The following RASGRP2 variants were observed in gnomAD, a reference collection of about 807,000 sequenced individuals.
RASGRP2 encodes the protein RAS guanyl-releasing protein 2.
RASGRP2 carries 44 observed loss-of-function variants against 71.0 expected under a neutral mutation model. That is an observed-to-expected ratio of 0.62 (90% CI 0.49 to 0.80). The LOEUF is 0.80. RASGRP2 is among the 30% of genes least tolerant of loss of function. The pLI, the probability that RASGRP2 is intolerant of heterozygous loss-of-function variation, is 0.00. For missense variants in RASGRP2, 663 were observed against 813.4 expected (o/e 0.82, Z 2.25); for synonymous variants, 350 against 330.7 (o/e 1.06, Z -0.63).
chr11:64,742,694 C>G lies in RASGRP2; in HGVS notation c.73+100G>C. 6.7e-7 allele frequency: 1 copy of G among 1,494,596 alleles called. No individual in the cohort carries two copies. Among genetic ancestry groups the G allele is most frequent in the Non-Finnish European group, 9.1e-7 (1 of 1,100,290 alleles). 92.6% of individuals were successfully genotyped at this position (1,494,596 alleles called of 1,614,324 possible). ...CTGCACGCTGCGGAGCAGGGTGGGT[C>G]CGGGTCAGGGCTGTGCCCTGGACTG... On this transcript the variant is annotated intron_variant, in intron 2 of 16. Coordinates refer to ENST00000394432, the MANE Select transcript of RASGRP2 (RefSeq NM_001098671.2). The surrounding 1 kb of genome is among the most constrained non-coding windows in gnomAD (Gnocchi z 4.7).
At chr11:64,744,326 TACTC>T (rs982232694), upstream of RASGRP2, 10 of 985,234 alleles carry the variant, frequency 1.0e-5, no homozygotes, top group African/African-American at 1.0e-4. Context: ...GCCCTACACA[TACTC>T]ACTCCCCCAG....
chr11:64,735,070 T>G lies in RASGRP2; in HGVS notation c.1412+42A>C, dbSNP rs757244185. ...AACTGAAGCCCAGGCAGAAGTGGGCTGAGTTGCCTTCCCTCTCCCCCAGGT... is the reference window on the plus strand; with the variant it reads ...AACTGAAGCCCAGGCAGAAGTGGGCGGAGTTGCCTTCCCTCTCCCCCAGGT... On this transcript the variant is annotated intron_variant, in intron 12 of 16. Coordinates refer to ENST00000394432, the MANE Select transcript of RASGRP2 (RefSeq NM_001098671.2). The surrounding 1 kb of genome is among the most constrained non-coding windows in gnomAD (Gnocchi z 4.2). 25 of 1,449,002 alleles carry G rather than the reference T, an allele frequency of 1.7e-5. No individual in the cohort carries two copies. The highest frequency in any genetic ancestry group is 1.7e-4 in the Middle Eastern group (1 of 5,742). The allele number at this position is 1,449,002 out of a possible 1,614,324, so 89.8% of individuals were successfully genotyped here.
At position 64,742,832 on chromosome 11, in the gene RASGRP2, G is replaced by A. The variant is rs1345997961; in HGVS notation, c.35C>T (p.Thr12Met). Residue 12 changes from threonine (T) to methionine (M), a missense_variant, in exon 2 of 17, where the codon ACG (threonine) becomes ATG (methionine). By Grantham distance (81) the Thr-to-Met change is moderately conservative. Coordinates refer to ENST00000394432, the MANE Select transcript of RASGRP2 (RefSeq NM_001098671.2). The surrounding 1 kb of genome is among the most constrained non-coding windows in gnomAD (Gnocchi z 4.7). ...GCACCCGCGGAGCAGCTCCTCCACC[G>A]TGCAGCCCTTGTCCAGGTCCAGGGT... ...AGTLDLDKGC[T>M]VEELLRGCIE... 1.2e-6 allele frequency: 2 copies of A among 1,607,266 alleles called. No individual in the cohort carries two copies. The highest frequency in any genetic ancestry group is 1.7e-6 in the Non-Finnish European group (2 of 1,178,130).
chr11:64,743,498 G>A lies in RASGRP2; in HGVS notation c.-72+505C>T, dbSNP rs913659548. The A allele has an allele frequency of 2.9e-6, 1 of 348,228 alleles. No homozygotes were observed. The highest frequency in any genetic ancestry group is 2.2e-5 in the African/African-American group (1 of 45,398). The allele number at this position is 348,228 out of a possible 1,614,324, so 21.6% of individuals were successfully genotyped here. ...GCAGCCCCCAGGGGGCCTGCCCTAGGGGAGGCGGACTGGATGGGAGAGGAA... is the reference window on the plus strand; with the variant it reads ...GCAGCCCCCAGGGGGCCTGCCCTAGAGGAGGCGGACTGGATGGGAGAGGAA... On this transcript the variant is annotated intron_variant, in intron 1 of 16. Transcript: ENST00000394432. This position sits in a 1 kb window ranked among gnomAD's most constrained non-coding sequence, Gnocchi z 4.9.
rs527681253 is a variant in RASGRP2, at chr11:64,728,079, A to G, written c.1772-719T>C. 2.0e-5 allele frequency among the ~76,000 whole-genome samples: 3 copies of G among 152,274 alleles called. No homozygotes were observed. The South Asian group carries it at 6.2e-4, about 32-fold the overall frequency. ...ACTACCTTAGACCCCAGTTTAACATAGTTGTTCGGACTGTTCTCAGCAAAA... is the reference window on the plus strand; with the variant it reads ...ACTACCTTAGACCCCAGTTTAACATGGTTGTTCGGACTGTTCTCAGCAAAA... On this transcript the variant is annotated intron_variant, in intron 15 of 16. Coordinates refer to ENST00000394432, the MANE Select transcript of RASGRP2 (RefSeq NM_001098671.2).
At chr11:64,733,307 T>A (rs2135745253) in intron 12 of RASGRP2, among the ~76,000 whole-genome samples, 1 of 151,854 alleles carries the variant, frequency 6.6e-6, no homozygotes, top group Non-Finnish European at 1.5e-5. Flanking sequence ...AGTGGTGAGC[T>A]GGGCCTGGTC....
chr11:64,734,542 T>TA (rs2057868981), intron 12 of RASGRP2, among the ~76,000 whole-genome samples: 1 of 152,030 alleles, frequency 6.6e-6, no homozygotes, highest in African/African-American at 2.4e-5. Context: ...AATGTGGAAA[T>TA]AAAAAACAAC....
intron 3 of RASGRP2, 45 bp from the exon 4 acceptor site, chr11:64,741,546 G>T (rs1464321471): frequency 1.3e-6 from 2 of 1,492,568 alleles, no homozygotes; most frequent in Admixed American, 3.9e-5. Flanking sequence ...AGAAAGGGAG[G>T]CCTGCGTGGA....
chr11:64,743,017 G>C lies in RASGRP2; in HGVS notation c.-71-80C>G. ...CCCGCGGGCAGAAACGGGGCGGGGC[G>C]GGCACGCCCCCTGCTGGACAGGGGC... On this transcript the variant is annotated intron_variant, in intron 1 of 16. Coordinates refer to ENST00000394432, the MANE Select transcript of RASGRP2 (RefSeq NM_001098671.2). The surrounding 1 kb of genome is among the most constrained non-coding windows in gnomAD (Gnocchi z 4.9). The C allele has an allele frequency of 1.4e-6, 2 of 1,406,172 alleles. No individual in the cohort carries two copies. The highest frequency in any genetic ancestry group is 1.9e-6 in the Non-Finnish European group (2 of 1,038,722). 87.1% of individuals were successfully genotyped at this position (1,406,172 alleles called of 1,614,324 possible).
chr11:64,738,001 G>A (rs1017774881), intron 8 of RASGRP2, among the ~76,000 whole-genome samples: 1 of 151,752 alleles, frequency 6.6e-6, no homozygotes, highest in Admixed American at 6.6e-5. Context: ...ATGAGATCTC[G>A]CCACCGCACT....
At position 64,743,494 on chromosome 11, in the gene RASGRP2, C is replaced by G. The variant is rs989264973; in HGVS notation, c.-72+509G>C. On this transcript the variant is annotated intron_variant, in intron 1 of 16. Coordinates refer to ENST00000394432, the MANE Select transcript of RASGRP2 (RefSeq NM_001098671.2). The surrounding 1 kb of genome is among the most constrained non-coding windows in gnomAD (Gnocchi z 4.9). ...TGCGGCAGCCCCCAGGGGGCCTGCC[C>G]TAGGGGAGGCGGACTGGATGGGAGA... The G allele has an allele frequency of 4.0e-5, 14 of 348,500 alleles. No individual in the cohort carries two copies. The East Asian group carries it at 1.2e-3, about 30-fold the overall frequency. The allele number at this position is 348,500 out of a possible 1,614,324, so 21.6% of individuals were successfully genotyped here.
rs2058107006 is a variant in RASGRP2 at position 64,741,091 on chromosome 11, G to C, written c.240-12C>G. On this transcript the variant is annotated splice_polypyrimidine_tract_variant and intron_variant, in intron 4 of 16. Coordinates refer to ENST00000394432, the MANE Select transcript of RASGRP2 (RefSeq NM_001098671.2). Reference sequence around the variant, plus strand: ...CGGAGATCCAGTACCTGGAGGAGCGGGGAGTCACCCAAGATAGCCCTTCCC... The same window carrying C: ...CGGAGATCCAGTACCTGGAGGAGCGCGGAGTCACCCAAGATAGCCCTTCCC... 1 of 1,611,318 alleles carries C rather than the reference G, an allele frequency of 6.2e-7. No homozygotes were observed. The highest frequency in any genetic ancestry group is 2.2e-5 in the East Asian group (1 of 44,836).
rs2058169477 is a variant in RASGRP2, at chr11:64,742,677, T to C, written c.73+117A>G. ...GGCTTTCGTTAAAGAGACTGCACGCTGCGGAGCAGGGTGGGTCCGGGTCAG... is the reference window on the plus strand; with the variant it reads ...GGCTTTCGTTAAAGAGACTGCACGCCGCGGAGCAGGGTGGGTCCGGGTCAG... On this transcript the variant is annotated intron_variant, in intron 2 of 16. Transcript: ENST00000394432. The surrounding 1 kb of genome is among the most constrained non-coding windows in gnomAD (Gnocchi z 4.7). 1.5e-6 allele frequency: 2 copies of C among 1,371,726 alleles called. No homozygotes were observed. Among genetic ancestry groups the C allele is most frequent in the South Asian group, 2.5e-5 (2 of 80,536 alleles). The allele number at this position is 1,371,726 out of a possible 1,614,324, so 85.0% of individuals were successfully genotyped here.
upstream of RASGRP2, chr11:64,744,906 C>G (rs1444571837): frequency 1.4e-5 from 2 of 146,802 alleles, no homozygotes. Flanking sequence ...CCCCCTCCCC[C>G]CTCCGCCCCT....
At chr11:64,731,895 G>C (rs1453959456) in intron 12 of RASGRP2, among the ~76,000 whole-genome samples, 3 of 152,164 alleles carry the variant, frequency 2.0e-5, no homozygotes, top group Admixed American at 1.3e-4. Flanking sequence ...TCCTAATTTA[G>C]AATGTGCATA....
At chr11:64,731,996 G>A (rs2057779711) in intron 12 of RASGRP2, among the ~76,000 whole-genome samples, 2 of 152,178 alleles carry the variant, frequency 1.3e-5, no homozygotes, top group South Asian at 4.1e-4. Flanking sequence ...TGGCAGCCTG[G>A]CATAGAATCA....
Position 64,735,278 on chromosome 11 carries a change from G to A in RASGRP2, c.1297-51C>T, listed in dbSNP as rs2057894684. 1 of 1,464,966 alleles carries A rather than the reference G, an allele frequency of 6.8e-7. No individual in the cohort carries two copies. The highest frequency in any genetic ancestry group is 1.4e-5 in the African/African-American group (1 of 71,898). The allele number at this position is 1,464,966 out of a possible 1,614,324, so 90.7% of individuals were successfully genotyped here. A position where few individuals can be genotyped will look rare whatever the true frequency, so the allele number is the denominator to read the frequency against. On this transcript the variant is annotated intron_variant, in intron 11 of 16. Coordinates refer to ENST00000394432, the MANE Select transcript of RASGRP2 (RefSeq NM_001098671.2). This position sits in a 1 kb window ranked among gnomAD's most constrained non-coding sequence, Gnocchi z 4.2. ...AGCCAGAAGAGGGGAGAGTAAAGGG[G>A]ACATCAGGTCCTGTCCCTTCCCACG...
intron 12 of RASGRP2, among the ~76,000 whole-genome samples, chr11:64,731,466 A>G (rs1370531712): frequency 6.6e-6 from 1 of 152,192 alleles, no homozygotes; most frequent in Non-Finnish European, 1.5e-5. Flanking sequence ...AAAGACTGAC[A>G]TATTGAGCAC....
At chr11:64,727,169 C>G (rs1012827460) in intron 16 of RASGRP2, 38 bp from the exon 17 acceptor site, 92 of 765,514 alleles carry the variant, frequency 1.2e-4, no homozygotes, top group Non-Finnish European at 1.5e-4. Context: ...AAGACACCCC[C>G]CTAACAACAA....
Sources: allele counts gnomAD v4.1 joint callset (sites outside exome capture counted in the v4.1 genomes callset), GRCh38; gene constraint gnomAD v4.1.1; non-coding constraint Gnocchi (gnomAD v3.1); transcripts MANE v1.5; gene names NCBI Gene and HGNC (gene_info 2026-07-23, HGNC 2026-07-21).